Variants in CCDC73 observed in about 807,000 individuals in gnomAD.
The protein encoded by CCDC73 is coiled-coil domain containing 73.
In CCDC73, 95 loss-of-function variants were observed where a neutral mutation model predicts 116.5. The ratio of observed to expected loss-of-function variants is 0.82; its 90% CI spans 0.69 to 0.97. CCDC73 has a LOEUF of 0.97. CCDC73 is among the 50% of genes least tolerant of loss of function. The pLI, the probability that CCDC73 is intolerant of heterozygous loss-of-function variation, is 0.00. For synonymous variants in CCDC73, 398 were observed against 401.3 expected, an observed-to-expected ratio of 0.99 and a Z score of 0.10; for missense variants, 1,066 against 1,206.8, an observed-to-expected ratio of 0.88 and a Z score of 1.73.
intron 2 of CCDC73, among the ~76,000 whole-genome samples, chr11:32,731,084 A>G (rs898342462): frequency 6.6e-6 from 1 of 152,178 alleles, no homozygotes; most frequent in African/African-American, 2.4e-5. Flanking sequence ...CTAATACTGC[A>G]CTTTTCCAAT....
chr11:32,720,222 G>T (rs1849979091), intron 2 of CCDC73, among the ~76,000 whole-genome samples: 1 of 152,082 alleles, frequency 6.6e-6, no homozygotes. Context: ...ATGCAAAGCT[G>T]GTTCAACAGT....
chr11:32,785,286 A>G (rs779158469), intron 1 of CCDC73, among the ~76,000 whole-genome samples: 5 of 152,256 alleles, frequency 3.3e-5, no homozygotes, highest in African/African-American at 4.8e-5. Context: ...ACATATAAGT[A>G]TACCAGATTA....
At chr11:32,651,123 C>T (rs920500077) in intron 12 of CCDC73, among the ~76,000 whole-genome samples, 1 of 152,128 alleles carries the variant, frequency 6.6e-6, no homozygotes, top group Admixed American at 6.6e-5. Flanking sequence ...GCTGCTAGAC[C>T]CATCTACTAT....
intron 1 of CCDC73, among the ~76,000 whole-genome samples, chr11:32,786,108 A>G (rs1850624196): frequency 6.6e-6 from 1 of 151,944 alleles, no homozygotes; most frequent in African/African-American, 2.4e-5. Flanking sequence ...ATATTCTTAC[A>G]CTTCAGTACT....
intron 16 of CCDC73, among the ~76,000 whole-genome samples, chr11:32,612,239 C>A (rs916361103): frequency 2.6e-5 from 4 of 152,134 alleles, no homozygotes; most frequent in Non-Finnish European, 5.9e-5. Flanking sequence ...GTTAAACCCA[C>A]AAAGTTCCCT....
chr11:32,683,955 T>C (rs1856171164), intron 6 of CCDC73, among the ~76,000 whole-genome samples: 1 of 152,208 alleles, frequency 6.6e-6, no homozygotes, highest in African/African-American at 2.4e-5. Flanking sequence ...GAAAAGTTTT[T>C]AAAGAACAAG....
chr11:32,617,181 T>G lies in CCDC73; in HGVS notation c.1186-1052A>C, dbSNP rs535433554. ...GGTCATTAAGGGCCTAACATTGGCATGTTAAGGAGTTTCAACTCTACCAGG... is the reference window on the plus strand; with the variant it reads ...GGTCATTAAGGGCCTAACATTGGCAGGTTAAGGAGTTTCAACTCTACCAGG... On this transcript the variant is annotated intron_variant, in intron 14 of 17. Coordinates refer to ENST00000335185, the MANE Select transcript of CCDC73 (RefSeq NM_001008391.4). Among the ~76,000 whole-genome samples, 7 of 152,240 alleles carry G rather than the reference T, an allele frequency of 4.6e-5. No individual in the cohort carries two copies. In the East Asian group the frequency reaches 1.4e-3, roughly 29 times the overall value.
At chr11:32,701,150 C>T (rs942743946) in intron 4 of CCDC73, among the ~76,000 whole-genome samples, 5 of 152,042 alleles carry the variant, frequency 3.3e-5, no homozygotes, top group African/African-American at 1.2e-4. Context: ...ACCACCACAC[C>T]CAGTTCAAAA....
In CCDC73 at chr11:32,614,524, A is replaced by G. The variant is rs1362661074; in HGVS notation, c.1794T>C (p.Asn598=). The G allele has an allele frequency of 1.9e-6, 3 of 1,613,080 alleles. No individual in the cohort carries two copies. In the Admixed American group the frequency reaches 5.0e-5, roughly 27 times the overall value. ...YHNNNKDVSE[N]EPFKQFRLLP... ...GCAATCTGAATTGTTTGAATGGCTC[A>G]TTTTCAGAAACATCTTTATTATTAT... Residue 598 remains asparagine, a synonymous_variant, in exon 16 of 18, where the codon AAT becomes AAC. Transcript: ENST00000335185.
intron 14 of CCDC73, among the ~76,000 whole-genome samples, chr11:32,630,670 C>T (rs1403975910): frequency 6.6e-6 from 1 of 152,152 alleles, no homozygotes; most frequent in Non-Finnish European, 1.5e-5. Context: ...TTTACTGGTA[C>T]ATAACCATGC....
intron 13 of CCDC73, among the ~76,000 whole-genome samples, chr11:32,640,681 C>G (rs1855724066): frequency 6.6e-6 from 1 of 151,936 alleles, no homozygotes; most frequent in East Asian, 1.9e-4. Flanking sequence ...TTAGCAAAAC[C>G]ATCAGTGAAG....
chr11:32,608,155 C>G (rs1166620269), intron 17 of CCDC73, among the ~76,000 whole-genome samples: 1 of 152,024 alleles, frequency 6.6e-6, no homozygotes, highest in Non-Finnish European at 1.5e-5. Context: ...CCTGGCCCCT[C>G]CCAAATCTCA....
chr11:32,710,529 T>C (rs933216343), intron 3 of CCDC73, among the ~76,000 whole-genome samples: 7 of 152,318 alleles, frequency 4.6e-5, no homozygotes, highest in Admixed American at 2.0e-4. Flanking sequence ...CCAATTTTAT[T>C]CCACTGTGGT....
intron 2 of CCDC73, among the ~76,000 whole-genome samples, chr11:32,750,129 C>T (rs1039112500): frequency 6.6e-6 from 1 of 152,184 alleles, no homozygotes; most frequent in African/African-American, 2.4e-5. Flanking sequence ...CTCAGCCTCC[C>T]AAAATGCTGG....
chr11:32,759,813 G>A (rs1410754558), intron 2 of CCDC73, among the ~76,000 whole-genome samples: 1 of 152,148 alleles, frequency 6.6e-6, no homozygotes, highest in Non-Finnish European at 1.5e-5. Flanking sequence ...CATCAGCCAT[G>A]TGTCTAAAGA....
chr11:32,775,332 T>TTATG (rs1377038369), intron 1 of CCDC73, among the ~76,000 whole-genome samples: 1 of 152,198 alleles, frequency 6.6e-6, no homozygotes, highest in Non-Finnish European at 1.5e-5. Flanking sequence ...ATCCATATCT[T>TTATG]TATACAGAAT....
chr11:32,780,003 G>A (rs1191135993), intron 1 of CCDC73, among the ~76,000 whole-genome samples: 1 of 152,200 alleles, frequency 6.6e-6, no homozygotes, highest in East Asian at 1.9e-4. Flanking sequence ...GTTGGGTGCA[G>A]TAACTCACGC....
chr11:32,624,714 T>C (rs534419044), intron 14 of CCDC73, among the ~76,000 whole-genome samples: 3 of 152,332 alleles, frequency 2.0e-5, no homozygotes, highest in African/African-American at 7.2e-5. Context: ...ACTATAAAGA[T>C]ACGTGCACAC....
chr11:32,755,721 GTATATATATATCTCCATATATATGTGTA>G (rs1478736714), intron 2 of CCDC73, among the ~76,000 whole-genome samples: 10,338 of 44,524 alleles, frequency 0.23, 2,286 homozygotes, highest in East Asian at 0.41. Flanking sequence ...ATATATATGT[GTATATATATATCTCCATATATATGTGTA>G]TATATATATA....
Sources: gnomAD v4.1 joint callset for allele counts (sites outside exome capture counted in the v4.1 genomes callset) on GRCh38, gnomAD v4.1.1 for gene constraint, MANE v1.5 for transcripts, NCBI Gene and HGNC (gene_info 2026-07-23, HGNC 2026-07-21) for gene names.